PTPDC1: variants seen among roughly 807,000 people sequenced by gnomAD.
PTPDC1 encodes protein tyrosine phosphatase domain-containing protein 1.
Under a neutral mutation model 75.3 loss-of-function variants are expected in PTPDC1, and 53 were observed. That is an observed-to-expected ratio of 0.70 (90% CI 0.56 to 0.88). The LOEUF (loss-of-function observed/expected upper bound fraction) is 0.88. Among genes scored for constraint, PTPDC1 ranks in the 40% least tolerant of loss-of-function variants. The pLI, the probability that PTPDC1 is intolerant of heterozygous loss-of-function variation, is 0.00. For missense variants in PTPDC1, 925 were observed against 998.6 expected, an observed-to-expected ratio of 0.93 and a Z score of 0.99; for synonymous variants, 349 against 366.2, an observed-to-expected ratio of 0.95 and a Z score of 0.54.
At chr9:94,067,050 G>A (rs1404084141) in intron 2 of PTPDC1, among the ~76,000 whole-genome samples, 1 of 152,002 alleles carries the variant, frequency 6.6e-6, no homozygotes, top group Non-Finnish European at 1.5e-5. Context: ...CCCTGCATCA[G>A]TATTACTTTG....
At chr9:94,091,028 CAG>C (rs930644541) in intron 4 of PTPDC1, among the ~76,000 whole-genome samples, 6 of 152,112 alleles carry the variant, frequency 3.9e-5, no homozygotes, top group African/African-American at 1.2e-4. Context: ...CGTCTGCAAA[CAG>C]GGACAATTTG....
At chr9:94,066,035 G>T (rs558341195) in intron 2 of PTPDC1, among the ~76,000 whole-genome samples, 3 of 152,116 alleles carry the variant, frequency 2.0e-5, no homozygotes, top group Admixed American at 2.0e-4. Flanking sequence ...AATTCTGTTG[G>T]CTTTGCGGGT....
At chr9:94,031,756 A>G (rs146259004) in intron 1 of PTPDC1, among the ~76,000 whole-genome samples, 1 of 152,308 alleles carries the variant, frequency 6.6e-6, no homozygotes, top group African/African-American at 2.4e-5. Context: ...AGATTCGGAA[A>G]TAAAATGTCT....
At chr9:94,102,243 G>A (rs77187224) in intron 7 of PTPDC1, among the ~76,000 whole-genome samples, 2,709 of 152,036 alleles carry the variant, frequency 0.018, 72 homozygotes, top group African/African-American at 0.062. Flanking sequence ...TATGAATTAG[G>A]TTGGGATATG....
intron 2 of PTPDC1, among the ~76,000 whole-genome samples, chr9:94,068,742 T>C (rs552024395): frequency 6.6e-6 from 1 of 152,364 alleles, no homozygotes; most frequent in South Asian, 2.1e-4. Context: ...GGAGATTTTC[T>C]TCGCCTGCCC....
intron 1 of PTPDC1, among the ~76,000 whole-genome samples, chr9:94,041,731 A>G (rs1825431713): frequency 6.6e-6 from 1 of 152,152 alleles, no homozygotes; most frequent in Non-Finnish European, 1.5e-5. Context: ...TGTTTTGAGC[A>G]CTTCCCTACT....
intron 4 of PTPDC1, among the ~76,000 whole-genome samples, chr9:94,091,552 G>A (rs1052159036): frequency 4.0e-5 from 6 of 151,860 alleles, no homozygotes; most frequent in Admixed American, 1.3e-4. Flanking sequence ...CTCTTTTTTT[G>A]TTGTGTCTCT....
chr9:94,105,535 G>C (rs983115838), intron 8 of PTPDC1, among the ~76,000 whole-genome samples: 1 of 151,514 alleles, frequency 6.6e-6, no homozygotes. Context: ...GGGCATGGTG[G>C]TGTGCGCCTG....
At chr9:94,091,076 C>T (rs1040287273) in intron 4 of PTPDC1, among the ~76,000 whole-genome samples, 3 of 150,290 alleles carry the variant, frequency 2.0e-5, no homozygotes, top group Admixed American at 2.0e-4. Flanking sequence ...CCTTTATTTC[C>T]TTCTCCTGCC....
At chr9:94,107,058 A>G (rs939329562) in intron 8 of PTPDC1, among the ~76,000 whole-genome samples, 4 of 152,138 alleles carry the variant, frequency 2.6e-5, no homozygotes, top group Non-Finnish European at 5.9e-5. Context: ...GGCTCCGGCA[A>G]TCCTCCCACC....
rs1825425595 is a variant in PTPDC1 at position 94,041,444 on chromosome 9, T to C, written c.-7+10317T>C. On this transcript the variant is annotated intron_variant, in intron 1 of 9. Coordinates refer to the PTPDC1 transcript ENST00000375360. ...TTATAAAGAGATTGTAGAATAATTA[T>C]ACTTTTAGCCTACACCTTCTAAATT... Among the ~76,000 whole-genome samples the C allele has an allele frequency of 2.0e-5, 3 of 152,346 alleles. No individual in the cohort carries two copies. In the South Asian group the frequency reaches 6.2e-4, roughly 32 times the overall value.
At chr9:94,095,521 A>G in intron 5 of PTPDC1, 67 bp downstream of exon 5, 2 of 1,291,670 alleles carry the variant, frequency 1.5e-6, no homozygotes, top group Non-Finnish European at 2.2e-6. Flanking sequence ...AGATTTCCTA[A>G]TTTGAGGGTA....
intron 2 of PTPDC1, chr9:94,064,868 T>C: frequency 1.4e-6 from 2 of 1,422,476 alleles, no homozygotes; most frequent in Non-Finnish European, 2.0e-6. Context: ...CAAGCTGGCA[T>C]TTAATAAAAG....
At chr9:94,048,726 T>C (rs1234268706) in intron 1 of PTPDC1, among the ~76,000 whole-genome samples, 1 of 152,232 alleles carries the variant, frequency 6.6e-6, no homozygotes, top group South Asian at 2.1e-4. Flanking sequence ...TAGGTCTGCT[T>C]GGTGCAGAGC....
At chr9:94,042,675 C>T (rs879723276) in intron 1 of PTPDC1, among the ~76,000 whole-genome samples, 10 of 152,164 alleles carry the variant, frequency 6.6e-5, no homozygotes, top group African/African-American at 9.7e-5. Context: ...GCTGGGGTGG[C>T]TGTGACTGTT....
chr9:94,068,086 CA>C (rs1308972758), intron 2 of PTPDC1, among the ~76,000 whole-genome samples: 1 of 152,006 alleles, frequency 6.6e-6, no homozygotes, highest in African/African-American at 2.4e-5. Context: ...TTTTAATTAA[CA>C]AGACTGTTTC....
At chr9:94,046,082 C>A (rs1449682198) in intron 1 of PTPDC1, among the ~76,000 whole-genome samples, 1 of 152,146 alleles carries the variant, frequency 6.6e-6, no homozygotes, top group East Asian at 1.9e-4. Context: ...GTTTTCCCAG[C>A]ACCATTTATT....
rs1277432763 is a variant in PTPDC1, at chr9:94,109,126, A to AAACT, written c.*1184_*1187dup. On this transcript the variant is annotated 3_prime_UTR_variant, in exon 9 of 9. Coordinates refer to ENST00000620992, the MANE Select transcript of PTPDC1 (RefSeq NM_001253829.2). Reference sequence around the variant, plus strand: ...CTTCATGTAAGAAGGGTGACTGCCTAAACTAGTTCCTTGTAAGCTGAACCA... The same window carrying AAACT: ...CTTCATGTAAGAAGGGTGACTGCCTAAACTAACTAGTTCCTTGTAAGCTGAACCA... The AAACT allele has an allele frequency of 1.3e-5, 2 of 152,246 alleles. No individual in the cohort carries two copies. The highest frequency in any genetic ancestry group is 2.4e-5 in the African/African-American group (1 of 41,464). 9.4% of individuals were successfully genotyped at this position (152,246 alleles called of 1,614,324 possible).
chr9:94,033,680 G>T (rs1829769735), intron 1 of PTPDC1, among the ~76,000 whole-genome samples: 1 of 152,072 alleles, frequency 6.6e-6, no homozygotes, highest in Non-Finnish European at 1.5e-5. Context: ...ATTAATATTA[G>T]TTTTTTTCCT....
Sources: gnomAD v4.1 joint callset for allele counts (sites outside exome capture counted in the v4.1 genomes callset) on GRCh38, gnomAD v4.1.1 for gene constraint, MANE v1.5 for transcripts, NCBI Gene and HGNC (gene_info 2026-07-23, HGNC 2026-07-21) for gene names.